The following ZFAND3 variants were observed in gnomAD, a reference collection of about 807,000 sequenced individuals.
The protein encoded by ZFAND3 is zinc finger AN1-type containing 3.
In ZFAND3, 10 loss-of-function variants were observed where a neutral mutation model predicts 29.6. The observed-to-expected ratio is 0.34, with a 90% CI of 0.21 to 0.57. The LOEUF is 0.57. Among genes scored for constraint, ZFAND3 ranks in the 20% least tolerant of loss-of-function variants. ZFAND3 has a pLI of 0.86. For missense variants in ZFAND3, 230 were observed against 304.5 expected (o/e 0.76, Z 1.82); for synonymous variants, 128 against 112.6 (o/e 1.14, Z -0.87).
intron 4 of ZFAND3, among the ~76,000 whole-genome samples, chr6:38,091,239 T>G (rs1764862038): frequency 6.6e-6 from 1 of 152,114 alleles, no homozygotes; most frequent in Non-Finnish European, 1.5e-5. Flanking sequence ...TTTTCGTGAT[T>G]CACATGCTTT....
intron 1 of ZFAND3, among the ~76,000 whole-genome samples, chr6:37,894,223 C>G (rs1021130096): frequency 6.6e-6 from 1 of 152,064 alleles, no homozygotes; most frequent in Non-Finnish European, 1.5e-5. Context: ...CCACTGCATT[C>G]CAGCCTGGGC....
chr6:37,896,469 CTG>C (rs1765205623), intron 1 of ZFAND3, among the ~76,000 whole-genome samples: 1 of 151,836 alleles, frequency 6.6e-6, no homozygotes, highest in African/African-American at 2.4e-5. Context: ...TTCTTTGTAT[CTG>C]TGTTCATGAA....
chr6:37,873,041 G>A lies in ZFAND3; in HGVS notation c.71+53025G>A, dbSNP rs575586017. Among the ~76,000 whole-genome samples, 108 of 152,238 alleles carry A rather than the reference G, an allele frequency of 7.1e-4. 1 individual carries two copies. Among genetic ancestry groups the A allele is most frequent in the African/African-American group, 2.2e-3 (91 of 41,564 alleles). On this transcript the variant is annotated intron_variant, in intron 1 of 5. Coordinates refer to ENST00000287218, the MANE Select transcript of ZFAND3 (RefSeq NM_021943.3). ...TGGGAGGCCGAGGTGGGTGGATCAC[G>A]AGGTCAGGAGATCGAGACCATCTTG...
intron 4 of ZFAND3, among the ~76,000 whole-genome samples, chr6:38,089,401 G>A (rs1334955695): frequency 1.3e-5 from 2 of 151,994 alleles, no homozygotes; most frequent in East Asian, 1.9e-4. Context: ...GTGCTGGGAT[G>A]ACAGGCATGA....
intron 4 of ZFAND3, among the ~76,000 whole-genome samples, chr6:38,116,162 G>A (rs770784875): frequency 5.6e-4 from 85 of 152,098 alleles, no homozygotes; most frequent in Non-Finnish European, 1.1e-3. Flanking sequence ...AAAGAATTAC[G>A]GTCTACTTGA....
chr6:37,928,544 A>G (rs1761531145), intron 1 of ZFAND3, among the ~76,000 whole-genome samples: 1 of 152,158 alleles, frequency 6.6e-6, no homozygotes, highest in African/African-American at 2.4e-5. Flanking sequence ...TTTTGGAGAC[A>G]GAGTCTTGCT....
At chr6:37,859,938 C>T (rs1358673763) in intron 1 of ZFAND3, among the ~76,000 whole-genome samples, 2 of 141,398 alleles carry the variant, frequency 1.4e-5, no homozygotes, top group Non-Finnish European at 3.0e-5. Context: ...GTGGCGTGAT[C>T]TCGGCTCACT....
intron 2 of ZFAND3, among the ~76,000 whole-genome samples, chr6:38,047,314 CAAA>C (rs758026895): frequency 9.0e-6 from 1 of 111,630 alleles, no homozygotes; most frequent in Admixed American, 9.4e-5. Context: ...GACTCTGTCT[CAAA>C]AAAAAAAAAA....
intron 1 of ZFAND3, among the ~76,000 whole-genome samples, chr6:37,912,030 C>CTG (rs59017250): frequency 0.081 from 11,301 of 139,532 alleles, 479 homozygotes; most frequent in African/African-American, 0.095. Context: ...AGTCTTTTAT[C>CTG]TGTGTGTGTG....
At chr6:37,827,962 A>T (rs1763789859) in intron 1 of ZFAND3, among the ~76,000 whole-genome samples, 1 of 152,206 alleles carries the variant, frequency 6.6e-6, no homozygotes, top group African/African-American at 2.4e-5. Flanking sequence ...TACTTTAGTC[A>T]TTACCTGGCA....
chr6:37,840,070 T>A (rs1444602202), intron 1 of ZFAND3, among the ~76,000 whole-genome samples: 1 of 152,202 alleles, frequency 6.6e-6, no homozygotes, highest in Non-Finnish European at 1.5e-5. Context: ...TTTTACAGTT[T>A]TAGCTCTTAT....
rs947623439 is a variant in ZFAND3 at position 38,153,754 on chromosome 6, G to GAT, written c.*1366_*1367dup. On this transcript the variant is annotated 3_prime_UTR_variant, in exon 6 of 6. Transcript: ENST00000287218. Reference sequence around the variant, plus strand: ...GCTGGGGCTGGGTGGACAGGATCAGGATTCCCTTGAAAGCCCAGGCAGGGT... The same window carrying GAT: ...GCTGGGGCTGGGTGGACAGGATCAGGATATTCCCTTGAAAGCCCAGGCAGGGT... 6.1e-6 allele frequency: 6 copies of GAT among 985,520 alleles called. No individual in the cohort carries two copies. The African/African-American group carries it at 1.0e-4, about 17-fold the overall frequency. The allele number at this position is 985,520 out of a possible 1,614,324, so 61.0% of individuals were successfully genotyped here.
rs267601007 is a variant in ZFAND3 at position 38,116,728 on chromosome 6, C to T, written c.518C>T (p.Ser173Leu). Residue 173 changes from serine (S) to leucine (L), a missense_variant, in exon 5 of 6, where the codon TCG (serine) becomes TTG (leucine). Physicochemically the swap from Ser to Leu is moderately radical, Grantham distance 145. Around this residue, in one of 2 missense-constraint regions of ZFAND3, gnomAD observed 50 missense variants for 102.0 expected, o/e 0.49. Transcript: ENST00000287218. ...GAGCTGGTGCAGCAGGAATTGGGAT[C>T]GTGTCGCTGCGGTAAGCATCTCCCC... ...KLELVQQELGSCRCGYVFCML... is the reference protein window; with the variant it reads ...KLELVQQELGLCRCGYVFCML... 2 of 1,613,618 alleles carry T rather than the reference C, an allele frequency of 1.2e-6. No individual in the cohort carries two copies. The highest frequency in any genetic ancestry group is 1.1e-5 in the South Asian group (1 of 91,044).
At chr6:38,087,043 C>T (rs1764771702) in intron 4 of ZFAND3, among the ~76,000 whole-genome samples, 1 of 152,134 alleles carries the variant, frequency 6.6e-6, no homozygotes, top group Non-Finnish European at 1.5e-5. Flanking sequence ...CACACACCTA[C>T]AGTGAACTCA....
In ZFAND3 at chr6:38,042,630, C is replaced by T. The variant is rs946600897; in HGVS notation, c.113-18963C>T. On this transcript the variant is annotated intron_variant, in intron 2 of 5. Coordinates refer to ENST00000287218, the MANE Select transcript of ZFAND3 (RefSeq NM_021943.3). Reference sequence around the variant, plus strand: ...CACCTGGTCGAGCTGCTTTTTAAGACCTCTCTTTTAAAGGAAATTTTGTCA... The same window carrying T: ...CACCTGGTCGAGCTGCTTTTTAAGATCTCTCTTTTAAAGGAAATTTTGTCA... Among the ~76,000 whole-genome samples, 4 of 152,034 alleles carry T rather than the reference C, an allele frequency of 2.6e-5. No homozygotes were observed. The South Asian group carries it at 6.2e-4, about 24-fold the overall frequency.
At position 37,979,725 on chromosome 6, in the gene ZFAND3, A is replaced by G. The variant is rs547685621; in HGVS notation, c.112+49726A>G. 3.3e-5 allele frequency among the ~76,000 whole-genome samples: 5 copies of G among 152,236 alleles called. No homozygotes were observed. In the South Asian group the frequency reaches 8.3e-4, roughly 25 times the overall value. ...GGCATCAGATAGTTTTTTCGTATGC[A>G]TGTGCTGACCTGTACTTGGCTGAAT... is the stretch of plus-strand genomic sequence containing the variant. On this transcript the variant is annotated intron_variant, in intron 2 of 5. Coordinates refer to ENST00000287218, the MANE Select transcript of ZFAND3 (RefSeq NM_021943.3).
intron 4 of ZFAND3, among the ~76,000 whole-genome samples, chr6:38,084,694 G>A (rs532212777): frequency 2.0e-5 from 3 of 152,306 alleles, no homozygotes; most frequent in African/African-American, 7.2e-5. Flanking sequence ...GAAATGACAG[G>A]CATTGAGCTC....
At chr6:37,845,160 A>T (rs552521935) in intron 1 of ZFAND3, among the ~76,000 whole-genome samples, 1 of 152,206 alleles carries the variant, frequency 6.6e-6, no homozygotes, top group South Asian at 2.1e-4. Context: ...GGAGAACTGG[A>T]CTCCATTTCT....
chr6:37,850,799 A>T (rs199924738), intron 1 of ZFAND3, among the ~76,000 whole-genome samples: 3 of 152,158 alleles, frequency 2.0e-5, no homozygotes, highest in Non-Finnish European at 4.4e-5. Context: ...GGGTCTTGCT[A>T]TGTTGCCAAG....
Sources: allele counts gnomAD v4.1 joint callset (sites outside exome capture counted in the v4.1 genomes callset), GRCh38; gene constraint gnomAD v4.1.1; regional missense constraint gnomAD v4.1.1; transcripts MANE v1.5; gene names NCBI Gene and HGNC (gene_info 2026-07-23, HGNC 2026-07-21).